The following IL5RA variants were observed in gnomAD, a reference collection of about 807,000 sequenced individuals.
IL5RA encodes interleukin 5 receptor subunit alpha.
Under a neutral mutation model 50.0 loss-of-function variants are expected in IL5RA, and 49 were observed. That is an observed-to-expected ratio of 0.98 (90% CI 0.78 to 1.24). IL5RA has a LOEUF of 1.24. IL5RA is among the 50% of genes most tolerant of loss of function. IL5RA has a pLI of 0.00. For synonymous variants in IL5RA, 202 were observed against 174.0 expected (o/e 1.16, Z -1.26); for missense variants, 600 against 500.4 (o/e 1.20, Z -1.90).
intron 9 of IL5RA, among the ~76,000 whole-genome samples, chr3:3,090,638 C>T (rs1703053300): frequency 6.9e-6 from 1 of 145,510 alleles, no homozygotes; most frequent in African/African-American, 2.6e-5. Flanking sequence ...GCGATCTCGG[C>T]TCACTGCAAG....
rs76390503 is a variant in IL5RA, at chr3:3,079,644, C to A, written c.995-3017G>T. Reference sequence around the variant, plus strand: ...CAGTTGAAATATATAATCCATAGATCCTTCCCCAGCCAGCACCTTTTCTAG... The same window carrying A: ...CAGTTGAAATATATAATCCATAGATACTTCCCCAGCCAGCACCTTTTCTAG... On this transcript the variant is annotated intron_variant, in intron 9 of 11. Transcript: ENST00000446632. 8.5e-3 allele frequency among the ~76,000 whole-genome samples: 1,300 copies of A among 152,316 alleles called. 15 individuals are homozygous for A. The highest frequency in any genetic ancestry group is 0.029 in the African/African-American group (1,190 of 41,568).
intron 2 of IL5RA, among the ~76,000 whole-genome samples, chr3:3,107,960 G>A (rs74689091): frequency 1.6e-3 from 246 of 152,082 alleles, no homozygotes; most frequent in Non-Finnish European, 2.5e-3. Flanking sequence ...TCTGCCTGGG[G>A]CGTTCGTTTT....
chr3:3,079,016 C>T (rs1702577506), intron 9 of IL5RA, among the ~76,000 whole-genome samples: 1 of 152,022 alleles, frequency 6.6e-6, no homozygotes, highest in Non-Finnish European at 1.5e-5. Context: ...GTTGAGCCCA[C>T]CTTGAAACCG....
chr3:3,101,638 C>T, intron 5 of IL5RA, 54 bp downstream of exon 5: 1 of 1,570,348 alleles, frequency 6.4e-7, no homozygotes, highest in Non-Finnish European at 8.6e-7. Context: ...TTCTACTTTT[C>T]CATATTTGCA....
chr3:3,076,751 TG>T (rs1702499972), intron 9 of IL5RA, 124 bp from the exon 10 acceptor site: 1 of 582,698 alleles, frequency 1.7e-6, no homozygotes, highest in Admixed American at 3.4e-5. Context: ...TGGGTGGTGT[TG>T]GGCAAGTAGC....
At chr3:3,087,686 G>A (rs911918487) in intron 9 of IL5RA, among the ~76,000 whole-genome samples, 2 of 151,906 alleles carry the variant, frequency 1.3e-5, no homozygotes, top group African/African-American at 4.8e-5. Flanking sequence ...GTTGAGTCTT[G>A]GAGTAAAATG....
At chr3:3,072,986 G>T (rs939857450) in intron 11 of IL5RA, among the ~76,000 whole-genome samples, 1 of 152,144 alleles carries the variant, frequency 6.6e-6, no homozygotes, top group South Asian at 2.1e-4. Flanking sequence ...CACACATCCA[G>T]AACAGGCACC....
At chr3:3,070,380 T>C in intron 11 of IL5RA, 69 bp from the exon 12 acceptor site, 1 of 923,064 alleles carries the variant, frequency 1.1e-6, no homozygotes, top group Admixed American at 2.1e-5. Context: ...ATCTTTACAA[T>C]TGGCTTTAAG....
chr3:3,085,774 C>G (rs902619580), intron 9 of IL5RA, among the ~76,000 whole-genome samples: 2 of 152,130 alleles, frequency 1.3e-5, no homozygotes, highest in Admixed American at 6.5e-5. Context: ...TTCCTTAAGT[C>G]CTAACAGATT....
At position 3,066,765 on chromosome 3, in the gene IL5RA, A is replaced by C. The variant is rs1306693992; in HGVS notation, c.*3460T>G. ...TTCCCCAGCCTGCATGAATAGCTTG[A>C]GGTCTGAGGCATTTCAATGAGGCTC... On this transcript the variant is annotated 3_prime_UTR_variant, in exon 12 of 12. Transcript: ENST00000446632. The C allele has an allele frequency of 6.6e-6, 1 of 152,180 alleles. No individual in the cohort carries two copies. Among genetic ancestry groups the C allele is most frequent in the African/African-American group, 2.4e-5 (1 of 41,432 alleles). The allele number at this position is 152,180 out of a possible 1,614,324, so 9.4% of individuals were successfully genotyped here. A position where few individuals can be genotyped will look rare whatever the true frequency, so the allele number is the denominator to read the frequency against.
chr3:3,096,806 T>C (rs1374639724), intron 7 of IL5RA, among the ~76,000 whole-genome samples: 2 of 152,242 alleles, frequency 1.3e-5, no homozygotes, highest in Admixed American at 6.5e-5. Flanking sequence ...CCATTGGATA[T>C]AGATATGTCA....
At chr3:3,094,675 A>G (rs1042078563) in intron 8 of IL5RA, among the ~76,000 whole-genome samples, 1 of 152,022 alleles carries the variant, frequency 6.6e-6, no homozygotes, top group African/African-American at 2.4e-5. Flanking sequence ...TTTTTTGAGA[A>G]TTCATCATAT....
chr3:3,106,377 C>A (rs1424357816), intron 2 of IL5RA, among the ~76,000 whole-genome samples: 1 of 152,142 alleles, frequency 6.6e-6, no homozygotes, highest in Non-Finnish European at 1.5e-5. Context: ...TAAGTTGCTA[C>A]AATTACTGCT....
Position 3,092,740 on chromosome 3 carries a change from A to G in IL5RA, c.856-378T>C, listed in dbSNP as rs17886219. ...CTAAATAATGTCACATGAACGCTAG[A>G]TTGTCTAGTGTTGAAATGAAGCTAT... On this transcript the variant is annotated intron_variant, in intron 8 of 11. Transcript: ENST00000446632. The surrounding 1 kb of genome is among the most constrained non-coding windows in gnomAD (Gnocchi z 4.2). Among the ~76,000 whole-genome samples, 245 of 152,198 alleles carry G rather than the reference A, an allele frequency of 1.6e-3. No homozygotes were observed. Among genetic ancestry groups the G allele is most frequent in the African/African-American group, 5.5e-3 (227 of 41,540 alleles).
intron 9 of IL5RA, among the ~76,000 whole-genome samples, chr3:3,088,617 G>T (rs1037126010): frequency 2.6e-5 from 4 of 152,116 alleles, no homozygotes; most frequent in African/African-American, 9.7e-5. Context: ...CACCTAATAC[G>T]TTCTAAATTC....
chr3:3,068,415 A>T lies in IL5RA; in HGVS notation c.*1810T>A, dbSNP rs1702189779. Reference sequence around the variant, plus strand: ...GGCAAAACCCCAGCTTTACAAAAAAAAATACAAAAAAGAGCTGGGAATGGT... The same window carrying T: ...GGCAAAACCCCAGCTTTACAAAAAATAATACAAAAAAGAGCTGGGAATGGT... On this transcript the variant is annotated 3_prime_UTR_variant, in exon 12 of 12. Transcript: ENST00000446632. 1 of 151,848 alleles carries T rather than the reference A, an allele frequency of 6.6e-6. No individual in the cohort carries two copies. The highest frequency in any genetic ancestry group is 1.5e-5 in the Non-Finnish European group (1 of 68,014). The allele number at this position is 151,848 out of a possible 1,614,324, so 9.4% of individuals were successfully genotyped here.
chr3:3,100,290 G>A (rs1387814682), intron 5 of IL5RA, among the ~76,000 whole-genome samples: 11 of 152,178 alleles, frequency 7.2e-5, no homozygotes, highest in Admixed American at 7.2e-4. Context: ...AAGATGATGA[G>A]AGAGAGCCTC....
At chr3:3,087,934 T>C (rs1001175381) in intron 9 of IL5RA, among the ~76,000 whole-genome samples, 4 of 152,222 alleles carry the variant, frequency 2.6e-5, no homozygotes, top group African/African-American at 4.8e-5. Flanking sequence ...TTAAATTCAC[T>C]AATGATCCTA....
chr3:3,105,020 T>C, intron 2 of IL5RA, 33 bp from the exon 3 acceptor site: 1 of 1,407,020 alleles, frequency 7.1e-7, no homozygotes, highest in Non-Finnish European at 1.0e-6. Context: ...CAAAATCATC[T>C]TGTTGCTATT....
Sources: allele counts gnomAD v4.1 joint callset (sites outside exome capture counted in the v4.1 genomes callset), GRCh38; gene constraint gnomAD v4.1.1; non-coding constraint Gnocchi (gnomAD v3.1); transcripts MANE v1.5; gene names NCBI Gene and HGNC (gene_info 2026-07-23, HGNC 2026-07-21).